Variants in AMPH observed in about 807,000 individuals in gnomAD.
The protein encoded by AMPH is amphiphysin (Stiff-Mann syndrome with breast cancer 128kD autoantigen).
AMPH carries 49 observed loss-of-function variants against 99.1 expected under a neutral mutation model. The ratio of observed to expected loss-of-function variants is 0.49; its 90% CI spans 0.39 to 0.63. The LOEUF is 0.63. Ranked by LOEUF, AMPH falls within the 20% of genes least tolerant of loss-of-function variation. The pLI, the probability that AMPH is intolerant of heterozygous loss-of-function variation, is 0.00. For synonymous variants in AMPH, 314 were observed against 317.3 expected (o/e 0.99, Z 0.11); for missense variants, 759 against 863.4 (o/e 0.88, Z 1.52).
intron 2 of AMPH, among the ~76,000 whole-genome samples, chr7:38,528,323 A>T (rs1790266199): frequency 6.6e-6 from 1 of 152,188 alleles, no homozygotes; most frequent in Admixed American, 6.5e-5. Flanking sequence ...AATTGATATC[A>T]ATTCTTTAAA....
At chr7:38,439,685 A>G (rs2128997408) in intron 11 of AMPH, among the ~76,000 whole-genome samples, 1 of 152,296 alleles carries the variant, frequency 6.6e-6, no homozygotes, top group Middle Eastern at 3.4e-3. Flanking sequence ...AGAAATCTAC[A>G]AGGGGTGACT....
intron 17 of AMPH, among the ~76,000 whole-genome samples, chr7:38,407,150 ATATATCTATC>A (rs1785060320): frequency 1.4e-5 from 2 of 138,760 alleles, no homozygotes; most frequent in South Asian, 4.6e-4. Flanking sequence ...AGCTATAGAG[ATATATCTATC>A]TATATCTATC....
At chr7:38,533,134 G>A (rs530984491) in intron 2 of AMPH, among the ~76,000 whole-genome samples, 261 of 152,294 alleles carry the variant, frequency 1.7e-3, no homozygotes, top group African/African-American at 5.9e-3. Context: ...CTACCCACAC[G>A]CAGGAGATGT....
At chr7:38,581,757 G>C (rs1344254879) in intron 1 of AMPH, among the ~76,000 whole-genome samples, 2 of 152,124 alleles carry the variant, frequency 1.3e-5, no homozygotes, top group African/African-American at 4.8e-5. Flanking sequence ...ATCTATTTTA[G>C]AATTTGATGC....
chr7:38,605,211 G>A lies in AMPH; in HGVS notation c.69+26072C>T, dbSNP rs577672853. ...GAAAGGGTGGGAGAAGGGGACAAGA[G>A]AGGAAAGGTGAGGGGACGAGGGGAA... On this transcript the variant is annotated intron_variant, in intron 1 of 20. Coordinates refer to ENST00000356264, the MANE Select transcript of AMPH (RefSeq NM_001635.4). Among the ~76,000 whole-genome samples, 6 of 152,272 alleles carry A rather than the reference G, an allele frequency of 3.9e-5. No individual in the cohort carries two copies. In the South Asian group the frequency reaches 1.0e-3, roughly 26 times the overall value.
At chr7:38,575,899 C>T (rs975208305) in intron 1 of AMPH, among the ~76,000 whole-genome samples, 1 of 152,208 alleles carries the variant, frequency 6.6e-6, no homozygotes. Context: ...GAAGTGGCTG[C>T]CCTGCCTTTC....
At chr7:38,401,963 T>C (rs2160197) in intron 17 of AMPH, among the ~76,000 whole-genome samples, 31,686 of 151,978 alleles carry the variant, frequency 0.21, 3,684 homozygotes, top group East Asian at 0.4. Context: ...CACTCCTTGG[T>C]CCCTAAATCT....
chr7:38,392,105 C>A, intron 18 of AMPH, 88 bp from the exon 19 acceptor site: 1 of 1,382,856 alleles, frequency 7.2e-7, no homozygotes, highest in Non-Finnish European at 9.8e-7. Flanking sequence ...GCCCCCAGCC[C>A]AAAGCTGGGG....
intron 19 of AMPH, among the ~76,000 whole-genome samples, chr7:38,390,961 C>CAGAGAGAGAGAGAGAGAGAG (rs199667568): frequency 7.7e-6 from 1 of 129,204 alleles, no homozygotes; most frequent in Non-Finnish European, 1.7e-5. Context: ...GAGACAAAGA[C>CAGAGAGAGAGAGAGAGAGAG]AGAGAGAGAG....
At chr7:38,557,111 T>C (rs34367587) in intron 1 of AMPH, among the ~76,000 whole-genome samples, 38,502 of 151,746 alleles carry the variant, frequency 0.25, 5,064 homozygotes, top group East Asian at 0.27. Flanking sequence ...TGATTTGGGG[T>C]GGGAAACAAG....
intron 1 of AMPH, among the ~76,000 whole-genome samples, chr7:38,540,359 A>G (rs1295789874): frequency 1.3e-5 from 2 of 152,118 alleles, no homozygotes; most frequent in Non-Finnish European, 2.9e-5. Context: ...AGATTCTGAC[A>G]TATTCTGTTA....
intron 5 of AMPH, among the ~76,000 whole-genome samples, chr7:38,483,917 T>C (rs1230072074): frequency 2.0e-5 from 3 of 151,948 alleles, no homozygotes; most frequent in Admixed American, 6.6e-5. Context: ...TTAAACAAAG[T>C]GATATAGAAA....
At chr7:38,567,853 G>A (rs773370884) in intron 1 of AMPH, among the ~76,000 whole-genome samples, 46 of 152,024 alleles carry the variant, frequency 3.0e-4, no homozygotes, top group Non-Finnish European at 4.4e-4. Flanking sequence ...TGATTATTAT[G>A]ACTCTCCATT....
intron 1 of AMPH, among the ~76,000 whole-genome samples, chr7:38,599,792 A>G (rs1437919966): frequency 2.9e-5 from 4 of 140,060 alleles, no homozygotes; most frequent in African/African-American, 7.9e-5. Context: ...TTAAATTTGA[A>G]ATATTTTAAA....
At chr7:38,431,656 T>TAAA (rs76704369) in intron 13 of AMPH, among the ~76,000 whole-genome samples, 3 of 120,460 alleles carry the variant, frequency 2.5e-5, no homozygotes, top group African/African-American at 3.0e-5. Context: ...GACTCCGTCT[T>TAAA]AAAAAAAAAA....
chr7:38,454,920 A>G (rs1787171701), intron 11 of AMPH, among the ~76,000 whole-genome samples: 1 of 152,104 alleles, frequency 6.6e-6, no homozygotes, highest in Non-Finnish European at 1.5e-5. Flanking sequence ...AATATGCTCA[A>G]TAAAATTAAG....
At chr7:38,629,457 A>T (rs1794378282) in intron 1 of AMPH, among the ~76,000 whole-genome samples, 1 of 152,110 alleles carries the variant, frequency 6.6e-6, no homozygotes, top group African/African-American at 2.4e-5. Context: ...ACCATCCACA[A>T]CTGCAGTCAT....
intron 11 of AMPH, among the ~76,000 whole-genome samples, chr7:38,457,627 A>T (rs763077012): frequency 6.6e-6 from 1 of 152,236 alleles, no homozygotes; most frequent in Non-Finnish European, 1.5e-5. Flanking sequence ...GGGCTAGAAA[A>T]TCTATTTAAT....
intron 2 of AMPH, among the ~76,000 whole-genome samples, chr7:38,520,710 T>C (rs1789924364): frequency 6.6e-6 from 1 of 152,190 alleles, no homozygotes; most frequent in South Asian, 2.1e-4. Flanking sequence ...CCTTGTGAGT[T>C]GACCTTAAAG....
Sources: allele counts gnomAD v4.1 joint callset (sites outside exome capture counted in the v4.1 genomes callset), GRCh38; gene constraint gnomAD v4.1.1; transcripts MANE v1.5; gene names NCBI Gene and HGNC (gene_info 2026-07-23, HGNC 2026-07-21).